Variants in ANKRD17 observed in about 807,000 individuals in gnomAD.
The protein encoded by ANKRD17 is ankyrin repeat domain 17.
In ANKRD17, 19 loss-of-function variants were observed where a neutral mutation model predicts 229.7. The ratio of observed to expected loss-of-function variants is 0.08; its 90% CI spans 0.06 to 0.12. ANKRD17 has a LOEUF of 0.12. ANKRD17 is among the 10% of genes least tolerant of loss of function. ANKRD17 has a pLI of 1.00. For synonymous variants in ANKRD17, 1,112 were observed against 1,146.1 expected (o/e 0.97, Z 0.60); for missense variants, 2,176 against 3,176.8 (o/e 0.68, Z 7.57).
At chr4:73,250,600 A>AAAAAAAAAAAAAAC (rs1744917025) in intron 1 of ANKRD17, among the ~76,000 whole-genome samples, 1 of 146,538 alleles carries the variant, frequency 6.8e-6, no homozygotes, top group Non-Finnish European at 1.5e-5. Flanking sequence ...AAAAAAAAAA[A>AAAAAAAAAAAAAAC]AAAAAAAAAA....
Position 73,125,088 on chromosome 4 carries a change from A to G in ANKRD17, c.3347-30T>C, listed in dbSNP as rs1218312728. The stretch of plus-strand genomic sequence containing the variant: ...AGAAAAATAATGATCTTCTCACTAC[A>G]TGCTAAGGCAAAAGAACAAAATATC... On this transcript the variant is annotated intron_variant, in intron 17 of 33. Coordinates refer to ENST00000358602, the MANE Select transcript of ANKRD17 (RefSeq NM_032217.5). 3 of 1,610,178 alleles carry G rather than the reference A, an allele frequency of 1.9e-6. No individual in the cohort carries two copies. In the South Asian group the frequency reaches 3.3e-5, roughly 18 times the overall value.
intron 2 of ANKRD17, among the ~76,000 whole-genome samples, chr4:73,165,094 T>C (rs890275055): frequency 6.6e-6 from 1 of 152,060 alleles, no homozygotes; most frequent in Non-Finnish European, 1.5e-5. Flanking sequence ...GCTGAATATA[T>C]AAGCTAAAAT....
At chr4:73,231,174 A>T (rs1468661401) in intron 1 of ANKRD17, among the ~76,000 whole-genome samples, 1 of 152,132 alleles carries the variant, frequency 6.6e-6, no homozygotes, top group Non-Finnish European at 1.5e-5. Flanking sequence ...GGTCTAGGGG[A>T]CCTGGGGATA....
At chr4:73,153,279 C>T (rs1405885912) in intron 6 of ANKRD17, among the ~76,000 whole-genome samples, 3 of 145,060 alleles carry the variant, frequency 2.1e-5, no homozygotes, top group South Asian at 2.3e-4. Flanking sequence ...AAATGAGTGG[C>T]TAAACACAAA....
intron 29 of ANKRD17, among the ~76,000 whole-genome samples, chr4:73,087,847 AATAGAG>A (rs1476878425): frequency 6.6e-6 from 1 of 152,056 alleles, no homozygotes; most frequent in Non-Finnish European, 1.5e-5. Flanking sequence ...AAGAAAAGAA[AATAGAG>A]ATAGGATAGA....
chr4:73,141,620 G>T (rs1729617313), intron 14 of ANKRD17, 121 bp downstream of exon 14: 1 of 853,310 alleles, frequency 1.2e-6, no homozygotes, highest in African/African-American at 1.7e-5. Flanking sequence ...TTTTATCATG[G>T]GTTAAAAATT....
At chr4:73,198,213 T>C (rs982982769) in intron 1 of ANKRD17, among the ~76,000 whole-genome samples, 1 of 152,160 alleles carries the variant, frequency 6.6e-6, no homozygotes, top group African/African-American at 2.4e-5. Flanking sequence ...CAGAATAGTT[T>C]TACTAAAATA....
chr4:73,120,750 T>C (rs775791433), intron 20 of ANKRD17, 131 bp downstream of exon 20: 20 of 780,816 alleles, frequency 2.6e-5, no homozygotes, highest in Admixed American at 6.1e-5. Flanking sequence ...TACAGAATGA[T>C]TTCTAATTAA....
At chr4:73,175,430 A>G (rs956371860) in intron 2 of ANKRD17, among the ~76,000 whole-genome samples, 34 of 152,152 alleles carry the variant, frequency 2.2e-4, no homozygotes, top group African/African-American at 8.2e-4. Flanking sequence ...TTTGGTGGGG[A>G]CACAGAGCCA....
At chr4:73,173,001 C>G (rs1232501439) in intron 2 of ANKRD17, among the ~76,000 whole-genome samples, 1 of 152,062 alleles carries the variant, frequency 6.6e-6, no homozygotes, top group Non-Finnish European at 1.5e-5. Flanking sequence ...AGGACTACAA[C>G]CAAAACACAT....
At chr4:73,142,144 T>C in intron 13 of ANKRD17, 98 bp downstream of exon 13, 1 of 1,259,504 alleles carries the variant, frequency 7.9e-7, no homozygotes, top group Non-Finnish European at 1.1e-6. Flanking sequence ...AACTACATAT[T>C]AGAACAAAAA....
At chr4:73,151,362 C>G (rs1222534131) in intron 7 of ANKRD17, 68 bp downstream of exon 7, 4 of 1,401,090 alleles carry the variant, frequency 2.9e-6, no homozygotes, top group Non-Finnish European at 4.0e-6. Flanking sequence ...GAAAGGCATT[C>G]ATTGTATACT....
chr4:73,211,675 C>T (rs1186989580), intron 1 of ANKRD17, among the ~76,000 whole-genome samples: 2 of 151,764 alleles, frequency 1.3e-5, no homozygotes, highest in East Asian at 3.9e-4. Flanking sequence ...GGTGAAACCC[C>T]ATCTCTACTA....
At chr4:73,187,665 G>A (rs1736482109) in intron 1 of ANKRD17, among the ~76,000 whole-genome samples, 1 of 152,164 alleles carries the variant, frequency 6.6e-6, no homozygotes, top group Admixed American at 6.5e-5. Flanking sequence ...ACTGTTGAGT[G>A]TACTTCCATT....
At chr4:73,152,748 G>A (rs1045357096) in intron 6 of ANKRD17, among the ~76,000 whole-genome samples, 1 of 151,974 alleles carries the variant, frequency 6.6e-6, no homozygotes, top group Admixed American at 6.6e-5. Context: ...AGGGGAGAGA[G>A]CCACCCAATC....
At chr4:73,228,539 T>A (rs1475956878) in intron 1 of ANKRD17, among the ~76,000 whole-genome samples, 1 of 152,176 alleles carries the variant, frequency 6.6e-6, no homozygotes, top group African/African-American at 2.4e-5. Flanking sequence ...ACACAACCAG[T>A]TATTGTATCC....
intron 10 of ANKRD17, 63 bp downstream of exon 10, chr4:73,146,701 T>C (rs989590558): frequency 1.7e-6 from 2 of 1,204,878 alleles, no homozygotes; most frequent in Admixed American, 2.1e-5. Flanking sequence ...GTCTAGACTC[T>C]CCATAATTTA....
chr4:73,118,180 CT>C (rs1726231151), intron 22 of ANKRD17, among the ~76,000 whole-genome samples: 1 of 152,024 alleles, frequency 6.6e-6, no homozygotes, highest in Non-Finnish European at 1.5e-5. Flanking sequence ...CCACGCTCGG[CT>C]AATTTTTATA....
chr4:73,213,204 G>A (rs1385848653), intron 1 of ANKRD17, among the ~76,000 whole-genome samples: 2 of 152,122 alleles, frequency 1.3e-5, no homozygotes, highest in African/African-American at 2.4e-5. Context: ...CTGAACATAT[G>A]ACAAGGACTA....
Sources: allele counts gnomAD v4.1 joint callset (sites outside exome capture counted in the v4.1 genomes callset), GRCh38; gene constraint gnomAD v4.1.1; transcripts MANE v1.5; gene names NCBI Gene and HGNC (gene_info 2026-07-23, HGNC 2026-07-21).